SGCD: variants seen among roughly 807,000 people sequenced by gnomAD.
SGCD encodes the protein sarcoglycan delta, also known as delta-sarcoglycan.
A neutral mutation model predicts 36.6 loss-of-function variants in SGCD; 18 were observed. The observed-to-expected ratio is 0.49, with a 90% CI of 0.34 to 0.73. SGCD has a LOEUF of 0.73. Among genes scored for constraint, SGCD ranks in the 30% least tolerant of loss-of-function variants. The pLI is 0.01. For synonymous variants in SGCD, 133 were observed against 130.6 expected (o/e 1.02, Z -0.12); for missense variants, 387 against 346.7 (o/e 1.12, Z -0.92).
intron 7 of SGCD, among the ~76,000 whole-genome samples, chr5:156,703,008 G>A (rs1159467972): frequency 1.3e-5 from 2 of 152,138 alleles, no homozygotes; most frequent in Non-Finnish European, 2.9e-5. Context: ...TATAATATAA[G>A]CCACTGCATT....
chr5:156,506,453 A>T (rs1340668891), intron 3 of SGCD, among the ~76,000 whole-genome samples: 1 of 152,140 alleles, frequency 6.6e-6, no homozygotes, highest in Non-Finnish European at 1.5e-5. Flanking sequence ...CAAAGCTCCC[A>T]GTTGTGGTTT....
At chr5:156,534,355 C>T (rs114961755) in intron 4 of SGCD, among the ~76,000 whole-genome samples, 331 of 152,232 alleles carry the variant, frequency 2.2e-3, no homozygotes, top group African/African-American at 7.5e-3. Context: ...AGATTTTTTG[C>T]CATTTCCTAA....
intron 1 of SGCD, among the ~76,000 whole-genome samples, chr5:155,994,078 T>C (rs1758490076): frequency 6.6e-6 from 1 of 152,052 alleles, no homozygotes; most frequent in African/African-American, 2.4e-5. Flanking sequence ...TCCTGAGGGG[T>C]AGTGGAGACC....
At chr5:156,720,790 T>G (rs1267122473) in intron 7 of SGCD, among the ~76,000 whole-genome samples, 1 of 152,202 alleles carries the variant, frequency 6.6e-6, no homozygotes, top group Middle Eastern at 3.2e-3. Context: ...GGATTACTAC[T>G]TTGGTCCAGA....
chr5:156,683,968 C>T (rs929440806), intron 7 of SGCD, among the ~76,000 whole-genome samples: 1 of 152,038 alleles, frequency 6.6e-6, no homozygotes, highest in African/African-American at 2.4e-5. Context: ...AAATGACAGC[C>T]CAACAAATTT....
chr5:155,752,871 A>G, the SGCD span, among the ~76,000 whole-genome samples: 3 of 152,186 alleles, frequency 2.0e-5, no homozygotes, highest in South Asian at 6.2e-4. Flanking sequence ...CTCTTATAGA[A>G]GAGAAAAATG....
intron 1 of SGCD, among the ~76,000 whole-genome samples, chr5:156,061,765 T>A (rs1188156880): frequency 6.9e-6 from 1 of 145,278 alleles, no homozygotes; most frequent in Non-Finnish European, 1.6e-5. Context: ...AACAAATATC[T>A]AATGGGTTGT....
At chr5:155,806,696 G>GTTCAATTC in the SGCD span, among the ~76,000 whole-genome samples, 7 of 152,124 alleles carry the variant, frequency 4.6e-5, no homozygotes, top group African/African-American at 1.7e-4. Flanking sequence ...TGAACAGTTT[G>GTTCAATTC]AGTATTCAGG....
At chr5:155,854,035 A>G in the SGCD span, among the ~76,000 whole-genome samples, 1 of 152,218 alleles carries the variant, frequency 6.6e-6, no homozygotes. Flanking sequence ...TTTAACATTT[A>G]GAAAATATAC....
intron 3 of SGCD, among the ~76,000 whole-genome samples, chr5:156,391,259 CTA>C (rs1170966520): frequency 6.6e-6 from 1 of 152,222 alleles, no homozygotes; most frequent in Non-Finnish European, 1.5e-5. Flanking sequence ...GAGCAATAAG[CTA>C]TATCATACAG....
intron 3 of SGCD, among the ~76,000 whole-genome samples, chr5:156,481,306 G>C (rs761959733): frequency 7.2e-5 from 11 of 152,154 alleles, no homozygotes; most frequent in Non-Finnish European, 1.3e-4. Flanking sequence ...ATTGGGGAAG[G>C]CTGGGAGATG....
At chr5:156,511,289 A>G (rs1444816753) in intron 4 of SGCD, among the ~76,000 whole-genome samples, 1 of 152,212 alleles carries the variant, frequency 6.6e-6, no homozygotes, top group East Asian at 1.9e-4. Context: ...TGTGAGCTCT[A>G]CCTGAAACCT....
intron 1 of SGCD, among the ~76,000 whole-genome samples, chr5:155,976,521 G>A (rs1435328612): frequency 1.3e-5 from 2 of 152,192 alleles, no homozygotes; most frequent in African/African-American, 2.4e-5. Context: ...GCCAGGCACC[G>A]TGCTCGGTAG....
chr5:155,793,714 G>T, the SGCD span, among the ~76,000 whole-genome samples: 1 of 151,362 alleles, frequency 6.6e-6, no homozygotes, highest in Non-Finnish European at 1.5e-5. Flanking sequence ...GCTAATTTTT[G>T]TATTTTGTAT....
At chr5:156,054,558 T>A (rs1760012978) in intron 1 of SGCD, among the ~76,000 whole-genome samples, 1 of 146,690 alleles carries the variant, frequency 6.8e-6, no homozygotes, top group African/African-American at 2.5e-5. Flanking sequence ...GTGATGGGAT[T>A]ACAGGCGTGA....
chr5:155,855,653 AT>A, the SGCD span, among the ~76,000 whole-genome samples: 1 of 152,170 alleles, frequency 6.6e-6, no homozygotes, highest in African/African-American at 2.4e-5. Flanking sequence ...CAGTTCACAT[AT>A]TTTCAGCTAA....
At chr5:155,916,896 G>A (rs1187388233) in intron 1 of SGCD, among the ~76,000 whole-genome samples, 1 of 152,104 alleles carries the variant, frequency 6.6e-6, no homozygotes, top group Non-Finnish European at 1.5e-5. Context: ...GAGAGATGAG[G>A]CCTGAGATGA....
intron 4 of SGCD, among the ~76,000 whole-genome samples, chr5:156,551,385 C>T (rs1758786690): frequency 6.6e-6 from 1 of 152,096 alleles, no homozygotes; most frequent in Admixed American, 6.5e-5. Flanking sequence ...CTCAAATATG[C>T]ACACTCTTTC....
At chr5:156,713,020 A>G (rs945473472) in intron 7 of SGCD, among the ~76,000 whole-genome samples, 1 of 152,180 alleles carries the variant, frequency 6.6e-6, no homozygotes, top group Non-Finnish European at 1.5e-5. Flanking sequence ...TATTGACTGA[A>G]TTAATATATA....
Sources: allele counts gnomAD v4.1 joint callset (sites outside exome capture counted in the v4.1 genomes callset), GRCh38; gene constraint gnomAD v4.1.1; transcripts MANE v1.5; gene names NCBI Gene and HGNC (gene_info 2026-07-23, HGNC 2026-07-21).